Variants in ZNF600 observed in about 807,000 individuals in gnomAD.
The protein encoded by ZNF600 is zinc finger protein KR-ZNF1.
ZNF600 carries 4 observed loss-of-function variants against 7.3 expected under a neutral mutation model. That is an observed-to-expected ratio of 0.55 (90% CI 0.27 to 1.25). The LOEUF (loss-of-function observed/expected upper bound fraction) is 1.25. Among genes scored for constraint, ZNF600 ranks in the 50% most tolerant of loss-of-function variants. The probability of loss-of-function intolerance (pLI) is 0.12; values close to 1 mark genes in which losing one functional copy is unlikely to be tolerated. For synonymous variants in ZNF600, 290 were observed against 308.9 expected, an observed-to-expected ratio of 0.94 and a Z score of 0.64; for missense variants, 911 against 922.1, an observed-to-expected ratio of 0.99 and a Z score of 0.16.
At chr19:52,773,929 G>T (rs1203190375) in intron 3 of ZNF600, among the ~76,000 whole-genome samples, 5 of 151,470 alleles carry the variant, frequency 3.3e-5, no homozygotes, top group East Asian at 2.0e-4. Flanking sequence ...TGTTGGCCAG[G>T]CTGGTCTTGA....
the ZNF600 span, among the ~76,000 whole-genome samples, chr19:52,811,904 C>T: frequency 2.3e-4 from 28 of 121,390 alleles, no homozygotes; most frequent in African/African-American, 3.2e-4. Flanking sequence ...GACAGCCCCC[C>T]GCCCGGCCAG....
intron 1 of ZNF600, among the ~76,000 whole-genome samples, chr19:52,784,569 C>G (rs924597142): frequency 6.6e-6 from 1 of 152,040 alleles, no homozygotes; most frequent in South Asian, 2.1e-4. Flanking sequence ...CCTCTGATAC[C>G]AAAATTTATA....
chr19:52,832,730 G>C, the ZNF600 span, among the ~76,000 whole-genome samples: 4 of 152,052 alleles, frequency 2.6e-5, no homozygotes, highest in Non-Finnish European at 5.9e-5. Flanking sequence ...TTGTGCCATT[G>C]TACTCCAGAA....
chr19:52,765,128 G>A (rs936003460), exon 4 of ZNF600: 1 of 404,206 alleles, frequency 2.5e-6, no homozygotes, highest in Non-Finnish European at 5.0e-6. Flanking sequence ...ACTGACTCTA[G>A]TGTCAATTAA....
At chr19:52,819,925 C>T in the ZNF600 span, among the ~76,000 whole-genome samples, 2 of 142,556 alleles carry the variant, frequency 1.4e-5, 1 homozygote, top group Admixed American at 1.4e-4. Flanking sequence ...TTATTTCAAT[C>T]AAGAATACAT....
the ZNF600 span, among the ~76,000 whole-genome samples, chr19:52,822,202 A>C: frequency 2.7e-5 from 4 of 149,520 alleles, no homozygotes; most frequent in African/African-American, 4.9e-5. Flanking sequence ...CCTCCGGAGT[A>C]GCTGGCACTA....
chr19:52,818,464 A>G, the ZNF600 span, among the ~76,000 whole-genome samples: 1 of 152,052 alleles, frequency 6.6e-6, no homozygotes, highest in Admixed American at 6.6e-5. Flanking sequence ...TGTAATACCA[A>G]CACTCTGAAA....
the ZNF600 span, among the ~76,000 whole-genome samples, chr19:52,823,673 G>C: frequency 6.6e-6 from 1 of 152,042 alleles, no homozygotes; most frequent in Non-Finnish European, 1.5e-5. Context: ...AGGTACTATC[G>C]CCCTTGTAGT....
chr19:52,823,045 G>A, the ZNF600 span, among the ~76,000 whole-genome samples: 1 of 152,142 alleles, frequency 6.6e-6, no homozygotes, highest in Non-Finnish European at 1.5e-5. Flanking sequence ...TGCATAGGCT[G>A]CAGCAAATTG....
At chr19:52,801,654 C>T in the ZNF600 span, 4 of 1,612,806 alleles carry the variant, frequency 2.5e-6, no homozygotes, top group South Asian at 2.2e-5. Flanking sequence ...TTCTGTATTG[C>T]CTTGCCCTGT....
chr19:52,801,402 A>T, the ZNF600 span: 1 of 1,614,234 alleles, frequency 6.2e-7, no homozygotes, highest in Non-Finnish European at 8.5e-7. Flanking sequence ...CAGTTCAGGC[A>T]GATGCGAATG....
chr19:52,771,679 T>C (rs1358619743), intron 3 of ZNF600, among the ~76,000 whole-genome samples: 1 of 152,190 alleles, frequency 6.6e-6, no homozygotes, highest in Non-Finnish European at 1.5e-5. Flanking sequence ...GGTTTCACCA[T>C]GTTGGCCAGG....
At chr19:52,784,090 A>G (rs2062745408) in intron 1 of ZNF600, among the ~76,000 whole-genome samples, 1 of 152,122 alleles carries the variant, frequency 6.6e-6, no homozygotes, top group South Asian at 2.1e-4. Context: ...AAAAATAATA[A>G]TAATAATTAG....
At chr19:52,829,540 A>AG in the ZNF600 span, among the ~76,000 whole-genome samples, 1 of 494 alleles carries the variant, frequency 2.0e-3, no homozygotes, top group Non-Finnish European at 4.2e-3. Context: ...ACACTCAGCT[A>AG]ATTTTGTATT....
At chr19:52,773,050 C>T (rs2062643329) in intron 3 of ZNF600, among the ~76,000 whole-genome samples, 1 of 151,960 alleles carries the variant, frequency 6.6e-6, no homozygotes, top group South Asian at 2.1e-4. Flanking sequence ...GGGAGGGGCT[C>T]ACGGGGAAAT....
At chr19:52,807,943 C>G in the ZNF600 span, 1 of 1,608,110 alleles carries the variant, frequency 6.2e-7, no homozygotes, top group African/African-American at 1.3e-5. Flanking sequence ...GATGTGGCTC[C>G]CAAGAGGCAA....
chr19:52,796,981 G>A, the ZNF600 span, among the ~76,000 whole-genome samples: 1 of 152,084 alleles, frequency 6.6e-6, no homozygotes, highest in Non-Finnish European at 1.5e-5. Context: ...CATGAACTTC[G>A]TGAAGACCCC....
chr19:52,764,545 ATT>A, downstream of ZNF600: 1 of 135,496 alleles, frequency 7.4e-6, no homozygotes, highest in African/African-American at 2.8e-5. Flanking sequence ...TTTGAGACAG[ATT>A]CTCACTGTCG....
At chr19:52,790,811 T>A (rs141867265), upstream of ZNF600, among the ~76,000 whole-genome samples, 61 of 151,140 alleles carry the variant, frequency 4.0e-4, no homozygotes, top group African/African-American at 1.3e-3. Flanking sequence ...CTCAGCCTCC[T>A]GAGTAGCTGA....
Sources: allele counts gnomAD v4.1 joint callset (sites outside exome capture counted in the v4.1 genomes callset), GRCh38; gene constraint gnomAD v4.1.1; transcripts MANE v1.5; gene names NCBI Gene and HGNC (gene_info 2026-07-23, HGNC 2026-07-21).